AAMDC: variants seen among roughly 807,000 people sequenced by gnomAD.
AAMDC encodes adipogenesis associated Mth938 domain containing.
In AAMDC, 16 loss-of-function variants were observed where a neutral mutation model predicts 15.5. The ratio of observed to expected loss-of-function variants is 1.03; its 90% CI spans 0.70 to 1.57. The LOEUF is 1.57. AAMDC is among the 40% of genes most tolerant of loss of function. The pLI is 0.00. For missense variants in AAMDC, 141 were observed against 144.9 expected (o/e 0.97, Z 0.14); for synonymous variants, 51 against 51.6 (o/e 0.99, Z 0.05).
At chr11:77,870,217 A>T (rs1432776097) in intron 3 of AAMDC, 1 of 149,118 alleles carries the variant, frequency 6.7e-6, no homozygotes, top group Non-Finnish European at 1.5e-5. Context: ...ATGGGGTCTC[A>T]CTATTGTTGC....
At chr11:77,897,230 A>C (rs1264253803) in intron 5 of AAMDC, among the ~76,000 whole-genome samples, 1 of 151,924 alleles carries the variant, frequency 6.6e-6, no homozygotes, top group Non-Finnish European at 1.5e-5. Context: ...GTGGTGGCTC[A>C]CGTCTGTAAT....
downstream of AAMDC, among the ~76,000 whole-genome samples, chr11:77,904,345 G>A (rs1312774441): frequency 2.0e-5 from 3 of 152,062 alleles, no homozygotes; most frequent in Non-Finnish European, 2.9e-5. Context: ...TCGTAGCCAC[G>A]GTTTTTAAAT....
intron 2 of AAMDC, among the ~76,000 whole-genome samples, chr11:77,866,960 C>A (rs1439724999): frequency 6.6e-6 from 1 of 152,084 alleles, no homozygotes; most frequent in Non-Finnish European, 1.5e-5. Flanking sequence ...CCTGCCTCAG[C>A]CTCCTGAGTA....
chr11:77,875,314 G>A (rs368246339), downstream of AAMDC, among the ~76,000 whole-genome samples: 1 of 152,196 alleles, frequency 6.6e-6, no homozygotes, highest in African/African-American at 2.4e-5. Flanking sequence ...GAAATAAGGC[G>A]TGTAAACATT....
chr11:77,879,007 G>A, intron 5 of AAMDC: 1 of 1,614,128 alleles, frequency 6.2e-7, no homozygotes, highest in Non-Finnish European at 8.5e-7. Context: ...GAAGGGAATG[G>A]TGCCCTCGAT....
At chr11:77,835,785 G>A (rs560798043) in intron 1 of AAMDC, among the ~76,000 whole-genome samples, 1 of 152,220 alleles carries the variant, frequency 6.6e-6, no homozygotes, top group East Asian at 1.9e-4. Flanking sequence ...ACCAGGCGTG[G>A]TGGCATGTAC....
At chr11:77,872,818 C>T (rs985388272), downstream of AAMDC, among the ~76,000 whole-genome samples, 4 of 152,054 alleles carry the variant, frequency 2.6e-5, no homozygotes, top group Non-Finnish European at 4.4e-5. Context: ...CATGGTGGCA[C>T]GAGCCTGTAA....
chr11:77,881,825 T>C (rs890464648), intron 5 of AAMDC, among the ~76,000 whole-genome samples: 1 of 152,054 alleles, frequency 6.6e-6, no homozygotes, highest in Non-Finnish European at 1.5e-5. Flanking sequence ...GTACGCACTA[T>C]ATATAAACAA....
chr11:77,869,933 C>A, intron 3 of AAMDC, 116 bp downstream of exon 3: 1 of 968,576 alleles, frequency 1.0e-6, no homozygotes, highest in Non-Finnish European at 1.6e-6. Flanking sequence ...CCTCATTTTG[C>A]TGACCCAGGA....
At chr11:77,899,643 C>A (rs1331661703) in intron 5 of AAMDC, among the ~76,000 whole-genome samples, 2 of 151,412 alleles carry the variant, frequency 1.3e-5, no homozygotes, top group South Asian at 2.1e-4. Flanking sequence ...GCACTCCAGC[C>A]TGGGCAACAA....
At chr11:77,878,505 G>GT (rs554844706) in intron 5 of AAMDC, among the ~76,000 whole-genome samples, 6 of 151,844 alleles carry the variant, frequency 4.0e-5, no homozygotes, top group African/African-American at 1.2e-4. Flanking sequence ...ACTGTCAATG[G>GT]TAAAAAAAAA....
At chr11:77,832,330 CT>C (rs5792777) in intron 1 of AAMDC, among the ~76,000 whole-genome samples, 109,615 of 147,624 alleles carry the variant, frequency 0.74, 41,131 homozygotes, top group African/African-American at 0.89. Context: ...AATAGAGGAA[CT>C]TTTTTTTTTT....
At chr11:77,891,909 A>T in intron 5 of AAMDC, 27 of 1,599,910 alleles carry the variant, frequency 1.7e-5, no homozygotes, top group Non-Finnish European at 2.3e-5. Flanking sequence ...TGGGCCCCAG[A>T]CACCTATCAA....
intron 2 of AAMDC, among the ~76,000 whole-genome samples, chr11:77,850,029 A>G (rs1950308299): frequency 6.6e-6 from 1 of 152,234 alleles, no homozygotes; most frequent in South Asian, 2.1e-4. Flanking sequence ...TATGCATTTA[A>G]CACAGTGCCA....
At chr11:77,870,999 A>G (rs1416888163) in intron 3 of AAMDC, among the ~76,000 whole-genome samples, 6 of 152,062 alleles carry the variant, frequency 3.9e-5, no homozygotes, top group Admixed American at 2.0e-4. Context: ...CCTTACATCT[A>G]GGGCTTTATA....
chr11:77,826,018 A>G (rs1023554941), intron 1 of AAMDC, among the ~76,000 whole-genome samples: 6 of 152,102 alleles, frequency 3.9e-5, no homozygotes, highest in Non-Finnish European at 8.8e-5. Context: ...CTTATGCATG[A>G]GTCTATTCTC....
At chr11:77,823,619 CTCAA>C (rs1949037339) in intron 1 of AAMDC, among the ~76,000 whole-genome samples, 1 of 56,646 alleles carries the variant, frequency 1.8e-5, no homozygotes. Context: ...TACACCCTGT[CTCAA>C]AAAAAAAAAA....
intron 1 of AAMDC, chr11:77,841,189 A>C (rs2136130564): frequency 1.4e-6 from 1 of 702,226 alleles, no homozygotes; most frequent in African/African-American, 1.7e-5. Context: ...TCTATTCATG[A>C]GGGTGGAACC....
At chr11:77,847,646 A>C (rs1406377056) in intron 2 of AAMDC, among the ~76,000 whole-genome samples, 1 of 152,224 alleles carries the variant, frequency 6.6e-6, no homozygotes, top group Non-Finnish European at 1.5e-5. Flanking sequence ...ATCAGAGTGA[A>C]GTTGGAAAAT....
Sources: gnomAD v4.1 joint callset for allele counts (sites outside exome capture counted in the v4.1 genomes callset) on GRCh38, gnomAD v4.1.1 for gene constraint, MANE v1.5 for transcripts, NCBI Gene and HGNC (gene_info 2026-07-23, HGNC 2026-07-21) for gene names.